The following FTO variants were observed in gnomAD, a reference collection of about 807,000 sequenced individuals.
The protein encoded by FTO is alpha-ketoglutarate-dependent dioxygenase FTO.
A neutral mutation model predicts 63.9 loss-of-function variants in FTO; 47 were observed. That is an observed-to-expected ratio of 0.74 (90% CI 0.58 to 0.94). The LOEUF (loss-of-function observed/expected upper bound fraction) is 0.94. FTO is among the 40% of genes least tolerant of loss of function. FTO has a pLI of 0.00. For synonymous variants in FTO, 207 were observed against 224.4 expected (o/e 0.92, Z 0.69); for missense variants, 562 against 618.1 (o/e 0.91, Z 0.96).
chr16:54,119,187 A>T lies in FTO; in HGVS notation c.*7272A>T, dbSNP rs2075205. Reference sequence around the variant, plus strand: ...AGGTACGTTCAGCACTTCATAAAATAATCTTGGAGCCTCCAGACACACGGA... The same window carrying T: ...AGGTACGTTCAGCACTTCATAAAATTATCTTGGAGCCTCCAGACACACGGA... On this transcript the variant is annotated 3_prime_UTR_variant, in exon 9 of 9. Transcript: ENST00000471389. 48,503 of 152,094 alleles carry T rather than the reference A, an allele frequency of 0.32. 9,456 individuals are homozygous for T. Among genetic ancestry groups the T allele is most frequent in the East Asian group, 0.48 (2,499 of 5,154 alleles). 9.4% of individuals were successfully genotyped at this position (152,094 alleles called of 1,614,324 possible).
At chr16:53,955,839 A>G (rs73614149) in intron 8 of FTO, among the ~76,000 whole-genome samples, 50 of 152,248 alleles carry the variant, frequency 3.3e-4, no homozygotes, top group African/African-American at 1.1e-3. Context: ...GAGGGCATCA[A>G]AATTGGAGCT....
chr16:53,806,262 T>C (rs901698665), intron 1 of FTO, among the ~76,000 whole-genome samples: 1 of 152,250 alleles, frequency 6.6e-6, no homozygotes, highest in African/African-American at 2.4e-5. Context: ...ATCTTTATAC[T>C]GAATTTCATG....
At chr16:54,001,678 C>A (rs2084072010) in intron 8 of FTO, among the ~76,000 whole-genome samples, 1 of 152,152 alleles carries the variant, frequency 6.6e-6, no homozygotes, top group Admixed American at 6.5e-5. Flanking sequence ...CCCCTACTCT[C>A]CAAGCATAGG....
At chr16:53,827,988 A>G (rs1032625940) in intron 3 of FTO, among the ~76,000 whole-genome samples, 1 of 152,224 alleles carries the variant, frequency 6.6e-6, no homozygotes, top group African/African-American at 2.4e-5. Flanking sequence ...CTCCAGTTTA[A>G]TAGTCCTATT....
intron 1 of FTO, among the ~76,000 whole-genome samples, chr16:53,730,572 G>A (rs2076250498): frequency 6.6e-6 from 1 of 151,594 alleles, no homozygotes; most frequent in Non-Finnish European, 1.5e-5. Flanking sequence ...ATGGCTCACT[G>A]CAGCCTCAAC....
intron 8 of FTO, among the ~76,000 whole-genome samples, chr16:53,968,875 T>C (rs1168653972): frequency 6.6e-6 from 1 of 152,230 alleles, no homozygotes; most frequent in Non-Finnish European, 1.5e-5. Flanking sequence ...TATGTGATCA[T>C]GAAGCCCAAA....
chr16:53,705,030 T>C (rs2075552254), intron 1 of FTO, among the ~76,000 whole-genome samples: 1 of 142,918 alleles, frequency 7.0e-6, no homozygotes, highest in African/African-American at 2.7e-5. Context: ...TTTTTTTTTT[T>C]CATCTCCACT....
rs2081033640 is a variant in FTO, at chr16:53,887,559, A to G, written c.1120-1273A>G. 2.0e-5 allele frequency among the ~76,000 whole-genome samples: 3 copies of G among 152,172 alleles called. No individual in the cohort carries two copies. The South Asian group carries it at 6.2e-4, about 32-fold the overall frequency. On this transcript the variant is annotated intron_variant, in intron 6 of 8. Transcript: ENST00000471389. Reference sequence around the variant, plus strand: ...GGAAGGAAAGTCAAGTTACTTGAGTATTTCTGATCTGAAAATCTGAAATCT... The same window carrying G: ...GGAAGGAAAGTCAAGTTACTTGAGTGTTTCTGATCTGAAAATCTGAAATCT...
At chr16:53,704,509 C>T (rs967556114) in intron 1 of FTO, among the ~76,000 whole-genome samples, 1 of 152,200 alleles carries the variant, frequency 6.6e-6, no homozygotes, top group Non-Finnish European at 1.5e-5. Context: ...TTGTCGCCAT[C>T]CCTGTGCCTC....
chr16:54,057,620 C>A (rs752512460), intron 8 of FTO, among the ~76,000 whole-genome samples: 4 of 151,918 alleles, frequency 2.6e-5, no homozygotes, highest in Admixed American at 6.6e-5. Context: ...CGGGCCACCA[C>A]GCCTGGCTAA....
At chr16:54,007,227 G>A (rs758196635) in intron 8 of FTO, among the ~76,000 whole-genome samples, 47 of 151,934 alleles carry the variant, frequency 3.1e-4, no homozygotes, top group Non-Finnish European at 5.4e-4. Flanking sequence ...TAATGGGTGC[G>A]GCACACCAGC....
At chr16:53,824,921 A>G (rs1214007588) in intron 2 of FTO, among the ~76,000 whole-genome samples, 1 of 152,252 alleles carries the variant, frequency 6.6e-6, no homozygotes, top group Non-Finnish European at 1.5e-5. Flanking sequence ...TCCTAAGGAA[A>G]GTGGTAGCCG....
chr16:54,067,767 C>T (rs970174439), intron 8 of FTO, among the ~76,000 whole-genome samples: 4 of 152,194 alleles, frequency 2.6e-5, no homozygotes, highest in African/African-American at 9.6e-5. Flanking sequence ...CCTACTTAGC[C>T]TTCTTTGCTG....
intron 8 of FTO, among the ~76,000 whole-genome samples, chr16:53,986,450 A>G (rs564700012): frequency 6.6e-6 from 1 of 152,094 alleles, no homozygotes; most frequent in East Asian, 1.9e-4. Flanking sequence ...ATCATCCCAA[A>G]CTCTGGATCC....
At chr16:53,978,873 C>G (rs1274207015) in intron 8 of FTO, among the ~76,000 whole-genome samples, 2 of 152,008 alleles carry the variant, frequency 1.3e-5, no homozygotes, top group African/African-American at 4.8e-5. Context: ...GGCACACGTG[C>G]CTGTAATCCC....
Position 53,940,360 on chromosome 16 carries a change from G to A in FTO, c.1364+6251G>A, listed in dbSNP as rs551910698. Among the ~76,000 whole-genome samples the A allele has an allele frequency of 2.0e-4, 30 of 152,272 alleles. 1 individual carries two copies. The South Asian group carries it at 6.0e-3, about 31-fold the overall frequency. On this transcript the variant is annotated intron_variant, in intron 8 of 8. Coordinates refer to ENST00000471389, the MANE Select transcript of FTO (RefSeq NM_001080432.3). ...GATAAAGAGCTCAGAAGCCTGTTAA[G>A]AATATTTGGCTTGTAGAAGAGGTGA...
chr16:53,821,092 A>G (rs2078855356), intron 2 of FTO, among the ~76,000 whole-genome samples: 1 of 152,166 alleles, frequency 6.6e-6, no homozygotes, highest in South Asian at 2.1e-4. Flanking sequence ...AATATATCTT[A>G]TGCAGTGTTG....
intron 8 of FTO, chr16:54,052,553 G>C (rs1190216090): frequency 6.6e-6 from 1 of 152,102 alleles, no homozygotes. Flanking sequence ...TGATTACCTG[G>C]CTGAAGTCTT....
chr16:54,100,580 C>T (rs8057213), intron 8 of FTO, among the ~76,000 whole-genome samples: 4,086 of 152,208 alleles, frequency 0.027, 190 homozygotes, highest in African/African-American at 0.093. Context: ...GTCTTGAACT[C>T]CTGAGCTTAC....
Sources: gnomAD v4.1 joint callset for allele counts (sites outside exome capture counted in the v4.1 genomes callset) on GRCh38, gnomAD v4.1.1 for gene constraint, MANE v1.5 for transcripts, NCBI Gene and HGNC (gene_info 2026-07-23, HGNC 2026-07-21) for gene names.